Variants in KIR3DL1 observed in about 807,000 individuals in gnomAD.
KIR3DL1 encodes the protein killer cell immunoglobulin like receptor, three Ig domains and long cytoplasmic tail 1.
Under a neutral mutation model 40.3 loss-of-function variants are expected in KIR3DL1, and 50 were observed. That is an observed-to-expected ratio of 1.24 (90% CI 0.99 to 1.57). The LOEUF is 1.57. KIR3DL1 is among the 40% of genes most tolerant of loss of function. KIR3DL1 has a pLI of 0.00. For missense variants in KIR3DL1, 661 were observed against 559.9 expected, an observed-to-expected ratio of 1.18 and a Z score of -1.82; for synonymous variants, 257 against 207.2, an observed-to-expected ratio of 1.24 and a Z score of -2.07.
intron 3 of KIR3DL1, 151 bp from the exon 4 acceptor site, chr19:54,819,562 T>C: frequency 1.1e-6 from 1 of 921,946 alleles, no homozygotes; most frequent in Non-Finnish European, 1.6e-6. Flanking sequence ...TGGAGGCACC[T>C]GCACCAGGGG....
intron 1 of KIR3DL1, 37 bp downstream of exon 1, chr19:54,816,571 G>A: frequency 1.9e-6 from 3 of 1,607,432 alleles, no homozygotes; most frequent in Non-Finnish European, 1.7e-6. Flanking sequence ...GGGAGTGCGG[G>A]GATGGAGATC....
intron 4 of KIR3DL1, among the ~76,000 whole-genome samples, chr19:54,821,350 G>A (rs1307411186): frequency 6.6e-6 from 1 of 151,196 alleles, no homozygotes; most frequent in East Asian, 1.9e-4. Context: ...TCCAAAAAGG[G>A]AAAACATACC....
At chr19:54,818,036 C>G (rs1242980533) in intron 2 of KIR3DL1, among the ~76,000 whole-genome samples, 2 of 148,928 alleles carry the variant, frequency 1.3e-5, no homozygotes, top group African/African-American at 5.1e-5. Flanking sequence ...ATAGGACTTG[C>G]CCTCCATGCC....
At chr19:54,821,592 C>T (rs201869509) in exon 5 of KIR3DL1, 2 of 1,607,736 alleles carry the variant, frequency 1.2e-6, no homozygotes, top group African/African-American at 1.3e-5. Context: ...TCTCTCTCAG[C>T]CCAGCCGGGC....
At chr19:54,828,020 C>T (rs1040314079) in intron 6 of KIR3DL1, among the ~76,000 whole-genome samples, 9 of 150,698 alleles carry the variant, frequency 6.0e-5, no homozygotes, top group East Asian at 5.8e-4. Context: ...CTAGCTCCTG[C>T]TCCCCTTTCC....
chr19:54,819,849 C>G, exon 4 of KIR3DL1: 20 of 1,612,152 alleles, frequency 1.2e-5, no homozygotes, highest in Non-Finnish European at 1.6e-5. Context: ...CTAAGGACCC[C>G]TCACGCCTCG....
At chr19:54,821,577 A>G in exon 5 of KIR3DL1, 1 of 1,606,334 alleles carries the variant, frequency 6.2e-7, no homozygotes, top group South Asian at 1.1e-5. Context: ...CCATATGAGA[A>G]ACCTTCTCTC....
chr19:54,820,970 A>G (rs1249658576), intron 4 of KIR3DL1, among the ~76,000 whole-genome samples: 2 of 150,256 alleles, frequency 1.3e-5, no homozygotes, highest in Non-Finnish European at 3.0e-5. Flanking sequence ...TTGGTTATAG[A>G]TACATAGATG....
intron 1 of KIR3DL1, among the ~76,000 whole-genome samples, chr19:54,816,991 GC>G (rs2061376671): frequency 7.2e-6 from 1 of 138,554 alleles, no homozygotes; most frequent in Non-Finnish European, 1.6e-5. Context: ...GGAGTTATGG[GC>G]CCGGAGGTGG....
intron 6 of KIR3DL1, among the ~76,000 whole-genome samples, chr19:54,827,654 C>T (rs1255721089): frequency 6.7e-6 from 1 of 149,822 alleles, no homozygotes; most frequent in African/African-American, 2.5e-5. Flanking sequence ...TAATAAAACA[C>T]ACACGAATGA....
At chr19:54,824,215 T>C (rs1026322769) in intron 5 of KIR3DL1, among the ~76,000 whole-genome samples, 6 of 151,656 alleles carry the variant, frequency 4.0e-5, no homozygotes, top group Admixed American at 3.9e-4. Flanking sequence ...GTTTCATAGG[T>C]TCAGGCCTTA....
chr19:54,818,245 C>T (rs1333337540), intron 2 of KIR3DL1, 70 bp from the exon 3 acceptor site: 1 of 1,529,198 alleles, frequency 6.5e-7, no homozygotes, highest in African/African-American at 1.5e-5. Context: ...TGGGGAGAAT[C>T]TTCTGGGCAC....
At chr19:54,819,801 C>T (rs1205494387) in exon 4 of KIR3DL1, 2 of 1,611,842 alleles carry the variant, frequency 1.2e-6, no homozygotes, top group South Asian at 2.2e-5. Context: ...GGTCAGATAT[C>T]ATGTTTGAGC....
chr19:54,816,661 TG>T (rs2061345110), intron 1 of KIR3DL1, 127 bp downstream of exon 1: 2 of 1,406,988 alleles, frequency 1.4e-6, no homozygotes, highest in African/African-American at 3.3e-5. Flanking sequence ...AGTGGAGATC[TG>T]GGCCTGGAGT....
chr19:54,829,127 G>C (rs112310058), intron 6 of KIR3DL1, among the ~76,000 whole-genome samples: 4,536 of 128,754 alleles, frequency 0.035, 257 homozygotes, highest in South Asian at 0.055. Context: ...AAATTTCAAT[G>C]TGAGGTTTGA....
chr19:54,819,616 GAGAC>G lies in KIR3DL1; in HGVS notation c.356-91_356-88del, dbSNP rs1344790855. On this transcript the variant is annotated intron_variant, in intron 3 of 8. Transcript: ENST00000391728. ...CACGGAGATGCAGAGAGGGAGGAGA[GAGAC>G]AGACACGGGGAGGGGAACCCTCACT... 6 of 1,396,104 alleles carry G rather than the reference GAGAC, an allele frequency of 4.3e-6. No individual in the cohort carries two copies. The African/African-American group carries it at 7.3e-5, about 17-fold the overall frequency. 86.5% of individuals were successfully genotyped at this position (1,396,104 alleles called of 1,614,324 possible). A position where few individuals can be genotyped will look rare whatever the true frequency, so the allele number is the denominator to read the frequency against.
intron 2 of KIR3DL1, 122 bp from the exon 3 acceptor site, chr19:54,818,193 C>A (rs1401387075): frequency 2.9e-6 from 3 of 1,035,102 alleles, no homozygotes; most frequent in Non-Finnish European, 4.2e-6. Flanking sequence ...CTTCCTGTAG[C>A]CCTGGGCACC....
intron 4 of KIR3DL1, among the ~76,000 whole-genome samples, chr19:54,820,735 A>T (rs674268): frequency 1.3e-5 from 2 of 150,508 alleles, no homozygotes; most frequent in Admixed American, 1.3e-4. Context: ...AGAGGGCAGA[A>T]TGGAGAGAAT....
intron 5 of KIR3DL1, among the ~76,000 whole-genome samples, chr19:54,822,074 A>C (rs1367940080): frequency 6.6e-6 from 1 of 150,984 alleles, no homozygotes; most frequent in Non-Finnish European, 1.5e-5. Flanking sequence ...GCACCCAGGC[A>C]GATGGAGAAA....
Sources: allele counts gnomAD v4.1 joint callset (sites outside exome capture counted in the v4.1 genomes callset), GRCh38; gene constraint gnomAD v4.1.1; transcripts MANE v1.5; gene names NCBI Gene and HGNC (gene_info 2026-07-23, HGNC 2026-07-21).